The following SEMA3G variants were observed in gnomAD, a reference collection of about 807,000 sequenced individuals.
SEMA3G encodes semaphorin 3G.
In SEMA3G, 70 loss-of-function variants were observed where a neutral mutation model predicts 86.2. The observed-to-expected ratio is 0.81, with a 90% CI of 0.67 to 0.99. SEMA3G has a LOEUF of 0.99. Ranked by LOEUF, SEMA3G falls within the 50% of genes least tolerant of loss-of-function variation. The pLI, the probability that SEMA3G is intolerant of heterozygous loss-of-function variation, is 0.00. For missense variants in SEMA3G, 1,002 were observed against 1,072.4 expected (o/e 0.93, Z 0.92); for synonymous variants, 416 against 441.4 (o/e 0.94, Z 0.72).
rs1008072528 is a variant in SEMA3G, at chr3:52,442,314, G to A, written c.340-10C>T. ...AGTTGGCGCACTCTGTCTGCGGGGAGAAGGAGGGGGTGGTTGAGGGGTGAG... is the reference window on the plus strand; with the variant it reads ...AGTTGGCGCACTCTGTCTGCGGGGAAAAGGAGGGGGTGGTTGAGGGGTGAG... On this transcript the variant is annotated splice_polypyrimidine_tract_variant and intron_variant, in intron 3 of 15. Coordinates refer to ENST00000231721, the MANE Select transcript of SEMA3G (RefSeq NM_020163.3). The surrounding 1 kb of genome is among the most constrained non-coding windows in gnomAD (Gnocchi z 6.1). 1.5e-5 allele frequency: 24 copies of A among 1,612,178 alleles called. No individual in the cohort carries two copies. The highest frequency in any genetic ancestry group is 2.0e-5 in the Non-Finnish European group (24 of 1,179,084).
chr3:52,437,818 G>A (rs1706073715), intron 14 of SEMA3G, 152 bp from the exon 15 acceptor site: 2 of 1,123,518 alleles, frequency 1.8e-6, no homozygotes, highest in Non-Finnish European at 2.6e-6. Flanking sequence ...CAAAGACCCT[G>A]CTTCCATGCA....
At chr3:52,441,081 C>A (rs769866831) in intron 7 of SEMA3G, 33 bp from the exon 8 acceptor site, 1 of 1,538,948 alleles carries the variant, frequency 6.5e-7, no homozygotes, top group Admixed American at 1.8e-5. Context: ...CACGCTTGGG[C>A]CCCACGAGGA....
rs574949148 is a variant in SEMA3G, at chr3:52,439,713, C to T, written c.1434G>A (p.Glu478=). ...ALQAGGSAEP[E]EVVLEELQVF... ...CCTGGAGCTCCTCCAGAACCACTTC[C>T]TCAGGTTCAGCTGAGCCCCCTGCCT... Residue 478 remains glutamate, a synonymous_variant, in exon 12 of 16, where the codon GAG becomes GAA. Transcript: ENST00000231721. 6.2e-7 allele frequency: 1 copy of T among 1,614,072 alleles called. No individual in the cohort carries two copies. Among genetic ancestry groups the T allele is most frequent in the East Asian group, 2.2e-5 (1 of 44,870 alleles).
At position 52,438,003 on chromosome 3, in the gene SEMA3G, G is replaced by C; in HGVS notation, c.1706C>G (p.Pro569Arg). 1 of 1,612,858 alleles carries C rather than the reference G, an allele frequency of 6.2e-7. No homozygotes were observed. Among genetic ancestry groups the C allele is most frequent in the East Asian group, 2.2e-5 (1 of 44,886 alleles). The change falls in exon 14 of 16, where the codon CCT becomes CGT. Residue 569 changes from proline (P) to arginine (R), a missense_variant. Pro to Arg is a moderately radical substitution (Grantham distance 103). Coordinates refer to ENST00000231721, the MANE Select transcript of SEMA3G (RefSeq NM_020163.3). ...FRRQDIRHGN[P>R]ALQCLGQSQE... ...GCTCTGGCCCAGGCACTGCAGGGCA[G>C]GGTTGCCGTGCCGGATGTCCTGCCG...
Position 52,439,971 on chromosome 3 carries a change from C to A in SEMA3G, c.1271G>T (p.Arg424Leu), listed in dbSNP as rs139945135. 1.9e-6 allele frequency: 3 copies of A among 1,613,582 alleles called. No individual in the cohort carries two copies. The African/African-American group carries it at 4.0e-5, about 22-fold the overall frequency. ...CAGGTGGGTCTTGACAAGGACAGGG[C>A]GGCCATGTCGAGGCCGCACAGGCCA... ...MFWPVRPRHG[R>L]PVLVKTHLAQ... is the part of the protein sequence containing the mutation. Residue 424 changes from arginine (R) to leucine (L), a missense_variant, in exon 11 of 16, where the codon CGC (arginine) becomes CTC (leucine). Physicochemically the swap from Arg to Leu is moderately radical, Grantham distance 102. Coordinates refer to ENST00000231721, the MANE Select transcript of SEMA3G (RefSeq NM_020163.3).
Position 52,435,769 on chromosome 3 carries a change from C to G in SEMA3G, c.2183G>C (p.Arg728Pro). 1 of 1,614,142 alleles carries G rather than the reference C, an allele frequency of 6.2e-7. No individual in the cohort carries two copies. Among genetic ancestry groups the G allele is most frequent in the South Asian group, 1.1e-5 (1 of 91,088 alleles). The change falls in exon 16 of 16, where the codon CGC (arginine) becomes CCC (proline). Residue 728 changes from arginine to proline, a missense_variant. Physicochemically the swap from Arg to Pro is moderately radical, Grantham distance 103 (BLOSUM62 -2). Coordinates refer to ENST00000231721, the MANE Select transcript of SEMA3G (RefSeq NM_020163.3). ...TTCCGTGGTGCCCCTGCACCACACG[C>G]GCTCACAGTACTCATCCACCCGGGG... ...NLPRVDEYCE[R>P]VWCRGTTECS... is the part of the protein sequence containing the mutation.
At position 52,433,268 on chromosome 3, in the gene SEMA3G, C is replaced by T. The variant is rs972530645; in HGVS notation, c.*2335G>A. 6.6e-6 allele frequency: 1 copy of T among 152,246 alleles called. No individual in the cohort carries two copies. Among genetic ancestry groups the T allele is most frequent in the African/African-American group, 2.4e-5 (1 of 41,450 alleles). 9.4% of individuals were successfully genotyped at this position (152,246 alleles called of 1,614,324 possible). On this transcript the variant is annotated 3_prime_UTR_variant, in exon 16 of 16. Coordinates refer to ENST00000231721, the MANE Select transcript of SEMA3G (RefSeq NM_020163.3). ...TCATGGAATGGATGGGAGGGCTCTTCATTTTCAGCTCATGTGCGCAGCATC... is the reference window on the plus strand; with the variant it reads ...TCATGGAATGGATGGGAGGGCTCTTTATTTTCAGCTCATGTGCGCAGCATC...
intron 13 of SEMA3G, 29 bp from the exon 14 acceptor site, chr3:52,438,228 G>A (rs1343101109): frequency 2.5e-6 from 4 of 1,584,316 alleles, no homozygotes; most frequent in Non-Finnish European, 3.4e-6. Context: ...AGAGCCTGAG[G>A]TGAGCCCAGG....
rs754275530 is a variant in SEMA3G at position 52,439,649 on chromosome 3, G to A, written c.1467+31C>T. Reference sequence around the variant, plus strand: ...AGGCTCAGACCCAGAGATGGGGCTTGGAGGGACCCTTCCATCAGCCCCTTG... The same window carrying A: ...AGGCTCAGACCCAGAGATGGGGCTTAGAGGGACCCTTCCATCAGCCCCTTG... On this transcript the variant is annotated intron_variant, in intron 12 of 15. Transcript: ENST00000231721. 13 of 1,564,698 alleles carry A rather than the reference G, an allele frequency of 8.3e-6. No individual in the cohort carries two copies. The Admixed American group carries it at 2.2e-4, about 26-fold the overall frequency.
rs920428652 is a variant in SEMA3G at position 52,444,946 on chromosome 3, G to A, written c.82C>T (p.Pro28Ser). 128 of 1,302,832 alleles carry A rather than the reference G, an allele frequency of 9.8e-5. No individual in the cohort carries two copies. The highest frequency in any genetic ancestry group is 1.1e-4 in the Non-Finnish European group (114 of 1,020,860). 80.7% of individuals were successfully genotyped at this position (1,302,832 alleles called of 1,614,324 possible). The change falls in exon 1 of 16, where the codon CCC becomes TCC. Residue 28 changes from proline to serine, a missense_variant. Transcript: ENST00000231721. The part of the protein sequence containing the change: ...HGGSSGPSPG[P>S]SVPRLRLSYR... ...GAGAGCCGCAGGCGGGGCACACTGG[G>A]GCCGGGGCTGGGGCCAGAGCTACCC...
Position 52,439,881 on chromosome 3 carries a change from A to T in SEMA3G, c.1361T>A (p.Ile454Asn), listed in dbSNP as rs764337000. The change falls in exon 11 of 16, where the codon ATT (isoleucine) becomes AAT (asparagine). Residue 454 changes from isoleucine to asparagine, a missense_variant. Ile to Asn is a moderately radical substitution (Grantham distance 149). Coordinates refer to ENST00000231721, the MANE Select transcript of SEMA3G (RefSeq NM_020163.3). Reference sequence around the variant, plus strand: ...AGCTGTCCTACCAGTCCCCAGGAAAATGACATCGTAGGTCCCATCCTCTGC... The same window carrying T: ...AGCTGTCCTACCAGTCCCCAGGAAATTGACATCGTAGGTCCCATCCTCTGC... ...VEAEDGTYDV[I>N]FLGTDSGSVL... is the part of the protein sequence containing the mutation. 1.9e-6 allele frequency: 3 copies of T among 1,613,178 alleles called. No homozygotes were observed. The highest frequency in any genetic ancestry group is 2.5e-6 in the Non-Finnish European group (3 of 1,179,548).
chr3:52,441,385 C>T lies in SEMA3G; in HGVS notation c.692G>A (p.Arg231Gln), dbSNP rs1261202396. 35 of 1,613,658 alleles carry T rather than the reference C, an allele frequency of 2.2e-5. No homozygotes were observed. Among genetic ancestry groups the T allele is most frequent in the Admixed American group, 3.3e-5 (2 of 59,984 alleles). ...GTCCTGGTCAGAGTTCTCAGGGATC[C>T]GGGCGGCCATCACAAACCGGGGGTC... ...LHDPRFVMAA[R>Q]IPENSDQDND... Residue 231 changes from arginine (R) to glutamine (Q), a missense_variant, in exon 7 of 16, where the codon CGG becomes CAG. Coordinates refer to ENST00000231721, the MANE Select transcript of SEMA3G (RefSeq NM_020163.3).
In SEMA3G at chr3:52,438,965, G is replaced by A. The variant is rs184021435; in HGVS notation, c.1468-4C>T. On this transcript the variant is annotated splice_polypyrimidine_tract_variant and splice_region_variant and intron_variant, in intron 12 of 15. Transcript: ENST00000231721. The stretch of plus-strand genomic sequence containing the variant: ...TTTCGGTGATAGGTGTTGGCACCTG[G>A]GGAAGGAGAAGGGTCTCAGTGTGGG... 2.6e-4 allele frequency: 413 copies of A among 1,613,302 alleles called. 1 individual carries two copies. The African/African-American group carries it at 5.0e-3, about 20-fold the overall frequency.
At chr3:52,444,356 G>A (rs956886643) in intron 1 of SEMA3G, among the ~76,000 whole-genome samples, 35 of 152,030 alleles carry the variant, frequency 2.3e-4, no homozygotes, top group African/African-American at 7.7e-4. Context: ...CCCAGGACCT[G>A]CCTCCCTCCC....
Position 52,444,954 on chromosome 3 carries a change from C to T in SEMA3G, c.74G>A (p.Ser25Asn). The stretch of plus-strand genomic sequence containing the variant: ...CAGGCGGGGCACACTGGGGCCGGGG[C>T]TGGGGCCAGAGCTACCCCCATGGAG... ...LLLHGGSSGP[S>N]PGPSVPRLRL... Residue 25 changes from serine (S) to asparagine (N), a missense_variant, in exon 1 of 16, where the codon AGC (serine) becomes AAC (asparagine). Transcript: ENST00000231721. 1 of 1,303,842 alleles carries T rather than the reference C, an allele frequency of 7.7e-7. No individual in the cohort carries two copies. 80.8% of individuals were successfully genotyped at this position (1,303,842 alleles called of 1,614,324 possible). A position where few individuals can be genotyped will look rare whatever the true frequency, so the allele number is the denominator to read the frequency against.
At chr3:52,436,207 G>C (rs1706048068) in intron 15 of SEMA3G, 134 bp from the exon 16 acceptor site, 2 of 1,436,730 alleles carry the variant, frequency 1.4e-6, no homozygotes, top group Non-Finnish European at 1.8e-6. Flanking sequence ...CTTCCCAGGA[G>C]GGGACCAGCA....
rs926066889 is a variant in SEMA3G, at chr3:52,440,931, C to A, written c.928+3G>T. 1.0e-5 allele frequency: 16 copies of A among 1,603,510 alleles called. No homozygotes were observed. Among genetic ancestry groups the A allele is most frequent in the Non-Finnish European group, 1.4e-5 (16 of 1,175,882 alleles). On this transcript the variant is annotated splice_donor_region_variant and intron_variant, in intron 8 of 15. Transcript: ENST00000231721. ...CCCTAGGCCTGCTTGGCCAGGCCCT[C>A]ACCTAGCTGGTCAAAGTGGGTCTCG...
rs1468422566 is a variant in SEMA3G, at chr3:52,440,411, T to C, written c.1109A>G (p.Tyr370Cys). The stretch of plus-strand genomic sequence containing the variant: ...GCGAGGGAAGGGCACCTTGCCCCCA[T>C]AGGGCCCCCACTGGTGCTGAGGCCC... ...RDGPQHQWGP[Y>C]GGKVPFPRPG... The change falls in exon 10 of 16, where the codon TAT (tyrosine) becomes TGT (cysteine). Residue 370 changes from tyrosine to cysteine, a missense_variant. Physicochemically the swap from Tyr to Cys is radical, Grantham distance 194. Coordinates refer to ENST00000231721, the MANE Select transcript of SEMA3G (RefSeq NM_020163.3). The C allele has an allele frequency of 1.9e-5, 31 of 1,609,540 alleles. No individual in the cohort carries two copies. Among genetic ancestry groups the C allele is most frequent in the Non-Finnish European group, 2.5e-5 (29 of 1,179,050 alleles).
At chr3:52,437,717 C>T (rs760986769) in intron 14 of SEMA3G, 51 bp from the exon 15 acceptor site, 1 of 1,575,928 alleles carries the variant, frequency 6.3e-7, no homozygotes, top group Admixed American at 1.7e-5. Context: ...GACCCAGATC[C>T]CAGTGCCACC....
Sources: gnomAD v4.1 joint callset for allele counts (sites outside exome capture counted in the v4.1 genomes callset) on GRCh38, gnomAD v4.1.1 for gene constraint, Gnocchi (gnomAD v3.1) non-coding constraint, MANE v1.5 for transcripts, NCBI Gene and HGNC (gene_info 2026-07-23, HGNC 2026-07-21) for gene names.